Variants in NAGLU observed in about 807,000 individuals in gnomAD.
NAGLU encodes alpha-N-acetylglucosaminidase.
Under a neutral mutation model 43.4 loss-of-function variants are expected in NAGLU, and 34 were observed. The observed-to-expected ratio is 0.78, with a 90% CI of 0.60 to 1.04. The LOEUF (loss-of-function observed/expected upper bound fraction) is 1.04, where lower values mean the gene tolerates loss of function less well. NAGLU is among the 50% of genes least tolerant of loss of function. NAGLU has a pLI of 0.00. For synonymous variants in NAGLU, 425 were observed against 437.6 expected (o/e 0.97, Z 0.36); for missense variants, 910 against 993.7 (o/e 0.92, Z 1.13).
chr17:42,536,732 G>T, intron 1 of NAGLU, 77 bp downstream of exon 1: 3 of 1,355,184 alleles, frequency 2.2e-6, no homozygotes, highest in Non-Finnish European at 2.8e-6. Context: ...AAATCGGGAG[G>T]CTGAGCGGGG....
Position 42,536,455 on chromosome 17 carries a change from C to A in NAGLU, c.183C>A (p.Gly61=). Residue 61 remains glycine (G), a synonymous_variant, in exon 1 of 6, where the codon GGC becomes GGA. Transcript: ENST00000225927. ...AGCGCGCTCTGGCTGCCAAGCCGGG[C>A]TTGGACACCTACAGCCTGGGCGGCG... ...SVERALAAKP[G]LDTYSLGGGG... The A allele has an allele frequency of 1.6e-6, 2 of 1,260,264 alleles. No homozygotes were observed. The highest frequency in any genetic ancestry group is 3.9e-5 in the East Asian group (1 of 25,364). The allele number at this position is 1,260,264 out of a possible 1,614,324, so 78.1% of individuals were successfully genotyped here. A position where few individuals can be genotyped will look rare whatever the true frequency, so the allele number is the denominator to read the frequency against.
At chr17:42,537,675 C>A in intron 2 of NAGLU, 130 bp downstream of exon 2, 2 of 1,308,394 alleles carry the variant, frequency 1.5e-6, no homozygotes, top group African/African-American at 1.5e-5. Context: ...TGGCTTGGGC[C>A]TCCTAAAAAC....
chr17:42,536,277 A>T lies in NAGLU; in HGVS notation c.5A>T (p.Glu2Val). Residue 2 changes from glutamate to valine, a missense_variant, in exon 1 of 6, where the codon GAG becomes GTG. Glu to Val is a moderately radical substitution (Grantham distance 121, BLOSUM62 -2). Coordinates refer to ENST00000225927, the MANE Select transcript of NAGLU (RefSeq NM_000263.4). MEAVAVAAAVGV... is the reference protein window; with the variant it reads MVAVAVAAAVGV... The stretch of plus-strand genomic sequence containing the variant: ...GGGACCCGCAGGACTGAGACCATGG[A>T]GGCGGTGGCGGTGGCCGCGGCGGTG... The T allele has an allele frequency of 8.2e-7, 1 of 1,217,690 alleles. No individual in the cohort carries two copies. The highest frequency in any genetic ancestry group is 1.0e-6 in the Non-Finnish European group (1 of 978,814). 75.4% of individuals were successfully genotyped at this position (1,217,690 alleles called of 1,614,324 possible). A position where few individuals can be genotyped will look rare whatever the true frequency, so the allele number is the denominator to read the frequency against.
In NAGLU at chr17:42,541,279, G is replaced by A. The variant is rs188428932; in HGVS notation, c.1021+73G>A. ...AAGGGAGTAGCAGATGTCAGTAGGG[G>A]TAGGCAGAGGGACTGGAATAATGCC... On this transcript the variant is annotated intron_variant, in intron 5 of 5. Transcript: ENST00000225927. The A allele has an allele frequency of 5.7e-5, 91 of 1,588,060 alleles. 1 individual carries two copies. In the African/African-American group the frequency reaches 1.0e-3, roughly 18 times the overall value.
At position 42,541,212 on chromosome 17, in the gene NAGLU, G is replaced by A; in HGVS notation, c.1021+6G>A. ...CTATGAGGCCATGACTGCAGGTACA[G>A]TGCCTGGGTGGGGTGGGAGAGCCCC... On this transcript the variant is annotated splice_donor_region_variant and intron_variant, in intron 5 of 5. Transcript: ENST00000225927. 6.2e-7 allele frequency: 1 copy of A among 1,612,172 alleles called. No individual in the cohort carries two copies. Among genetic ancestry groups the A allele is most frequent in the Non-Finnish European group, 8.5e-7 (1 of 1,180,008 alleles).
Position 42,543,681 on chromosome 17 carries a change from G to A in NAGLU, c.1675G>A (p.Asp559Asn), listed in dbSNP as rs767510451. 4.3e-6 allele frequency: 7 copies of A among 1,612,830 alleles called. No homozygotes were observed. Among genetic ancestry groups the A allele is most frequent in the East Asian group, 2.2e-5 (1 of 44,888 alleles). Reference protein sequence around the residue: ...SLATSPAFRYDLLDLTRQAVQ... With the variant: ...SLATSPAFRYNLLDLTRQAVQ... ...GGCCACCAGCCCCGCCTTCCGCTAC[G>A]ACCTGCTGGACCTCACTCGGCAGGC... The change falls in exon 6 of 6, where the codon GAC becomes AAC. Residue 559 changes from aspartate to asparagine, a missense_variant. By Grantham distance (23) the Asp-to-Asn change is conservative. Coordinates refer to ENST00000225927, the MANE Select transcript of NAGLU (RefSeq NM_000263.4).
rs1459904546 is a variant in NAGLU, at chr17:42,541,097, C to T, written c.912C>T (p.Gly304=). The T allele has an allele frequency of 7.4e-6, 12 of 1,614,124 alleles. No homozygotes were observed. Among genetic ancestry groups the T allele is most frequent in the Non-Finnish European group, 9.3e-6 (11 of 1,180,040 alleles). Residue 304 remains glycine, a synonymous_variant, in exon 5 of 6, where the codon GGC becomes GGT. Coordinates refer to ENST00000225927, the MANE Select transcript of NAGLU (RefSeq NM_000263.4). The stretch of plus-strand genomic sequence containing the variant: ...TGCGAGAGCTGATCAAAGAGTTTGG[C>T]ACAGACCACATCTATGGGGCCGACA... The part of the protein sequence containing the change: ...LFLRELIKEF[G]TDHIYGADTF...
At chr17:42,542,307 G>C (rs868711610) in intron 5 of NAGLU, among the ~76,000 whole-genome samples, 1 of 151,980 alleles carries the variant, frequency 6.6e-6, no homozygotes, top group African/African-American at 2.4e-5. Flanking sequence ...CAAATGATTC[G>C]CCCACTTCAG....
At chr17:42,542,605 T>G (rs1475257193) in intron 5 of NAGLU, among the ~76,000 whole-genome samples, 1 of 152,250 alleles carries the variant, frequency 6.6e-6, no homozygotes, top group African/African-American at 2.4e-5. Context: ...GTGATTCTTG[T>G]GCCTCTACCT....
intron 4 of NAGLU, among the ~76,000 whole-genome samples, chr17:42,540,553 G>A (rs2092918766): frequency 1.3e-5 from 2 of 151,652 alleles, no homozygotes; most frequent in African/African-American, 2.4e-5. Flanking sequence ...AAAATTAGCC[G>A]GGTGTGGTGG....
In NAGLU at chr17:42,538,415, G is replaced by C. The variant is rs904118831; in HGVS notation, c.608G>C (p.Arg203Pro). 1.2e-6 allele frequency: 2 copies of C among 1,614,214 alleles called. No homozygotes were observed. The highest frequency in any genetic ancestry group is 1.7e-6 in the Non-Finnish European group (2 of 1,180,048). The change falls in exon 3 of 6, where the codon CGA (arginine) becomes CCA (proline). Residue 203 changes from arginine to proline, a missense_variant. By Grantham distance (103) the Arg-to-Pro change is moderately radical. Coordinates refer to ENST00000225927, the MANE Select transcript of NAGLU (RefSeq NM_000263.4). ...GGTCCTGCCTTCCTGGCCTGGGGGCGAATGGGCAACCTGCACACCTGGGAT... is the reference window on the plus strand; with the variant it reads ...GGTCCTGCCTTCCTGGCCTGGGGGCCAATGGGCAACCTGCACACCTGGGAT... ...FTGPAFLAWG[R>P]MGNLHTWDGP... is the part of the protein sequence containing the mutation.
intron 1 of NAGLU, chr17:42,536,896 G>A: frequency 1.2e-6 from 1 of 821,156 alleles, no homozygotes; most frequent in Non-Finnish European, 1.8e-6. Context: ...ACGATGATGG[G>A]CATAGAATTT....
In NAGLU at chr17:42,544,406, C is replaced by T; in HGVS notation, c.*168C>T. Reference sequence around the variant, plus strand: ...AGGGAAATGACCTGCCCTCCACCACCACCCAAAGTGTGGGATTAAAGTACT... The same window carrying T: ...AGGGAAATGACCTGCCCTCCACCACTACCCAAAGTGTGGGATTAAAGTACT... On this transcript the variant is annotated 3_prime_UTR_variant, in exon 6 of 6. Transcript: ENST00000225927. 1.0e-6 allele frequency: 1 copy of T among 968,010 alleles called. No homozygotes were observed. Among genetic ancestry groups the T allele is most frequent in the Non-Finnish European group, 1.6e-6 (1 of 645,010 alleles). 60.0% of individuals were successfully genotyped at this position (968,010 alleles called of 1,614,324 possible).
intron 5 of NAGLU, 26 bp downstream of exon 5, chr17:42,541,232 A>G: frequency 6.2e-7 from 1 of 1,609,748 alleles, no homozygotes; most frequent in Non-Finnish European, 8.5e-7. Context: ...GGGGTGGGAG[A>G]GCCCCCCAGA....
intron 5 of NAGLU, among the ~76,000 whole-genome samples, 177 bp from the exon 6 acceptor site, chr17:42,542,851 T>C (rs1425932725): frequency 5.3e-5 from 8 of 152,250 alleles, no homozygotes; most frequent in Admixed American, 5.2e-4. Context: ...CCCAAGCTGC[T>C]GAACCCTGTC....
In NAGLU at chr17:42,541,012, CCTG is replaced by C. The variant is rs398123282; in HGVS notation, c.830_832del (p.Cys277del). ...TGGGGCCACTTTAACTGTTCCTACT[CCTG>C]CTCCTTCCTTCTGGCTCCGGAAGAC... is the stretch of plus-strand genomic sequence containing the variant. On this transcript the variant is annotated inframe_deletion, in exon 5 of 6. Transcript: ENST00000225927. The C allele has an allele frequency of 2.5e-6, 4 of 1,614,100 alleles. No individual in the cohort carries two copies. The highest frequency in any genetic ancestry group is 2.7e-5 in the African/African-American group (2 of 74,918).
chr17:42,539,587 A>G (rs2092916352), intron 4 of NAGLU, among the ~76,000 whole-genome samples: 1 of 152,252 alleles, frequency 6.6e-6, no homozygotes, highest in African/African-American at 2.4e-5. Context: ...GGTGGCAGGA[A>G]ACTCACTCAT....
At chr17:42,537,307 C>T (rs2092909029) in intron 1 of NAGLU, 91 bp from the exon 2 acceptor site, 1 of 1,595,164 alleles carries the variant, frequency 6.3e-7, no homozygotes, top group East Asian at 2.2e-5. Flanking sequence ...GGAGCCCCTC[C>T]CCTCTCCTCT....
At chr17:42,537,050 C>G in intron 1 of NAGLU, 1 of 459,332 alleles carries the variant, frequency 2.2e-6, no homozygotes, top group South Asian at 2.1e-5. Context: ...GTGATGTGTT[C>G]ACACAGCTGT....
Sources: allele counts gnomAD v4.1 joint callset (sites outside exome capture counted in the v4.1 genomes callset), GRCh38; gene constraint gnomAD v4.1.1; transcripts MANE v1.5; gene names NCBI Gene and HGNC (gene_info 2026-07-23, HGNC 2026-07-21).